Variants in CAPN8 observed in about 807,000 individuals in gnomAD.
CAPN8 encodes calpain-8.
Under a neutral mutation model 80.9 loss-of-function variants are expected in CAPN8, and 87 were observed. The observed-to-expected ratio is 1.07, with a 90% CI of 0.90 to 1.28. The LOEUF (loss-of-function observed/expected upper bound fraction) is 1.28. Among genes scored for constraint, CAPN8 ranks in the 50% most tolerant of loss-of-function variants. The pLI, the probability that CAPN8 is intolerant of heterozygous loss-of-function variation, is 0.00. For synonymous variants in CAPN8, 299 were observed against 273.8 expected (o/e 1.09, Z -0.91); for missense variants, 757 against 702.0 (o/e 1.08, Z -0.89).
chr1:223,656,710 G>A (rs1343108100), intron 1 of CAPN8, among the ~76,000 whole-genome samples: 2 of 135,186 alleles, frequency 1.5e-5, no homozygotes, highest in African/African-American at 5.5e-5. Flanking sequence ...TTGAGACGGG[G>A]TCTCGCTCTT....
chr1:223,649,983 G>A (rs1658303276), intron 2 of CAPN8, among the ~76,000 whole-genome samples: 1 of 152,086 alleles, frequency 6.6e-6, no homozygotes, highest in South Asian at 2.1e-4. Flanking sequence ...TGACCAGCTG[G>A]CTTTGATTAT....
At chr1:223,647,019 C>G (rs1419306) in intron 2 of CAPN8, among the ~76,000 whole-genome samples, 58,064 of 151,974 alleles carry the variant, frequency 0.38, 12,435 homozygotes, top group Non-Finnish European at 0.49. Context: ...CCACCTGCCA[C>G]CTCTCATAAG....
intron 4 of CAPN8, 33 bp from the exon 5 acceptor site, chr1:223,627,190 G>A: frequency 6.5e-7 from 1 of 1,548,864 alleles, no homozygotes; most frequent in Non-Finnish European, 8.7e-7. Flanking sequence ...TGCTCCATTA[G>A]CACCCTCAGC....
chr1:223,641,604 G>C (rs767484876), intron 2 of CAPN8, among the ~76,000 whole-genome samples: 24 of 152,158 alleles, frequency 1.6e-4, no homozygotes, highest in Non-Finnish European at 3.1e-4. Context: ...CAGTGCCAGA[G>C]CCCTGCGTGA....
intron 2 of CAPN8, among the ~76,000 whole-genome samples, chr1:223,643,905 A>G (rs1307789623): frequency 2.0e-5 from 3 of 152,228 alleles, no homozygotes; most frequent in Non-Finnish European, 4.4e-5. Flanking sequence ...AGTACTGGCC[A>G]GCATAATGAT....
At chr1:223,664,465 C>G (rs1462869860) in intron 1 of CAPN8, among the ~76,000 whole-genome samples, 3 of 152,174 alleles carry the variant, frequency 2.0e-5, no homozygotes, top group Non-Finnish European at 4.4e-5. Flanking sequence ...AGATTTATCT[C>G]TAATTCTCAT....
chr1:223,659,305 A>T (rs999511624), intron 1 of CAPN8, among the ~76,000 whole-genome samples: 1 of 152,166 alleles, frequency 6.6e-6, no homozygotes, highest in Non-Finnish European at 1.5e-5. Context: ...GAACCCCCAG[A>T]GATGCTGCCA....
Position 223,656,668 on chromosome 1 carries a change from G to GTTTTTTTTT in CAPN8, c.238-2270_238-2269insAAAAAAAAA, listed in dbSNP as rs1331913444. Among the ~76,000 whole-genome samples the GTTTTTTTTT allele has an allele frequency of 3.2e-4, 30 of 94,812 alleles. 3 individuals carry two copies. Among genetic ancestry groups the GTTTTTTTTT allele is most frequent in the South Asian group, 8.1e-4 (2 of 2,468 alleles). The allele number at this position is 94,812 out of a possible 152,430, so 62.2% of individuals were successfully genotyped here. A position where few individuals can be genotyped will look rare whatever the true frequency, so the allele number is the denominator to read the frequency against. On this transcript the variant is annotated intron_variant, in intron 1 of 20. Transcript: ENST00000366872. ...ATTTATGTACATACACACGTTTTGGGTTTTTTTGTTTTGTTTTTTTTTTTT... is the reference window on the plus strand; with the variant it reads ...ATTTATGTACATACACACGTTTTGGGTTTTTTTTTTTTTTTTGTTTTGTTTTTTTTTTTT...
intron 1 of CAPN8, among the ~76,000 whole-genome samples, chr1:223,655,993 A>G (rs960024535): frequency 2.0e-5 from 3 of 152,152 alleles, no homozygotes; most frequent in African/African-American, 7.2e-5. Flanking sequence ...ACCAGGAAGC[A>G]GGAGGGTGGG....
At chr1:223,625,680 C>T in intron 6 of CAPN8, 125 bp downstream of exon 6, 3 of 723,286 alleles carry the variant, frequency 4.1e-6, no homozygotes, top group South Asian at 1.7e-5. Context: ...CCCAATATGG[C>T]AGTGAAGCTC....
At chr1:223,640,653 C>T (rs547826352) in intron 2 of CAPN8, among the ~76,000 whole-genome samples, 2 of 152,184 alleles carry the variant, frequency 1.3e-5, no homozygotes, top group African/African-American at 4.8e-5. Context: ...AAATCCCATC[C>T]TCCTCCCTAA....
intron 6 of CAPN8, among the ~76,000 whole-genome samples, chr1:223,625,549 A>G (rs1657546521): frequency 6.6e-6 from 1 of 152,144 alleles, no homozygotes; most frequent in Non-Finnish European, 1.5e-5. Context: ...TTCCCACTTC[A>G]GCCTCCCAAA....
intron 2 of CAPN8, among the ~76,000 whole-genome samples, chr1:223,629,667 C>T (rs1291425018): frequency 2.0e-5 from 3 of 152,188 alleles, no homozygotes; most frequent in Non-Finnish European, 4.4e-5. Flanking sequence ...CGTAACTTTG[C>T]TCACCTCTAC....
intron 2 of CAPN8, among the ~76,000 whole-genome samples, chr1:223,638,505 C>T (rs1304969644): frequency 6.6e-6 from 1 of 152,086 alleles, no homozygotes; most frequent in African/African-American, 2.4e-5. Flanking sequence ...TTAATGTTCC[C>T]CCGTGGGTAA....
chr1:223,620,657 C>G (rs1326044996), intron 7 of CAPN8, among the ~76,000 whole-genome samples: 1 of 152,154 alleles, frequency 6.6e-6, no homozygotes, highest in Non-Finnish European at 1.5e-5. Context: ...ACTCCAGTAC[C>G]CATTAGTCAC....
chr1:223,620,322 A>G (rs1233055187), intron 7 of CAPN8, 56 bp from the exon 8 acceptor site: 3 of 1,454,452 alleles, frequency 2.1e-6, no homozygotes, highest in South Asian at 2.4e-5. Flanking sequence ...AAGCAGGGCA[A>G]GCTGTTTACT....
At chr1:223,659,058 T>C (rs1158989446) in intron 1 of CAPN8, among the ~76,000 whole-genome samples, 2 of 152,182 alleles carry the variant, frequency 1.3e-5, no homozygotes, top group African/African-American at 4.8e-5. Flanking sequence ...AGTAACACTG[T>C]TTTCTATTAC....
At position 223,629,232 on chromosome 1, in the gene CAPN8, T is replaced by TGTGTGTGTGTGTGTGTGTGTG. The variant is rs68132305; in HGVS notation, c.308-453_308-452insCACACACACACACACACACAC. 4.1e-3 allele frequency among the ~76,000 whole-genome samples: 539 copies of TGTGTGTGTGTGTGTGTGTGTG among 132,584 alleles called. 6 individuals are homozygous for TGTGTGTGTGTGTGTGTGTGTG. The highest frequency in any genetic ancestry group is 5.1e-3 in the African/African-American group (176 of 34,578). The allele number at this position is 132,584 out of a possible 152,430, so 87.0% of individuals were successfully genotyped here. ...TGTGTGTGTGTGTGTGTGTGTGTGT[T>TGTGTGTGTGTGTGTGTGTGTG]TATGTTCCTTGCCCCTCCTGACCTT... On this transcript the variant is annotated intron_variant, in intron 2 of 20. Coordinates refer to ENST00000366872, the MANE Select transcript of CAPN8 (RefSeq NM_001143962.2).
chr1:223,545,541 G>A (rs1442313980), intron 16 of CAPN8, among the ~76,000 whole-genome samples: 1 of 152,162 alleles, frequency 6.6e-6, no homozygotes, highest in African/African-American at 2.4e-5. Flanking sequence ...GTCATGAGCT[G>A]GCCAATCTGC....
Sources: allele counts gnomAD v4.1 joint callset (sites outside exome capture counted in the v4.1 genomes callset), GRCh38; gene constraint gnomAD v4.1.1; transcripts MANE v1.5; gene names NCBI Gene and HGNC (gene_info 2026-07-23, HGNC 2026-07-21).